TRPM3: variants seen among roughly 807,000 people sequenced by gnomAD.
The protein encoded by TRPM3 is long transient receptor potential channel 3.
Under a neutral mutation model 181.2 loss-of-function variants are expected in TRPM3, and 77 were observed. The observed-to-expected ratio is 0.42, with a 90% CI of 0.35 to 0.51. The LOEUF (loss-of-function observed/expected upper bound fraction) is 0.51, where lower values mean the gene tolerates loss of function less well. TRPM3 is among the 20% of genes least tolerant of loss of function. The probability of loss-of-function intolerance (pLI) is 0.01; values close to 1 mark genes in which losing one functional copy is unlikely to be tolerated. For missense variants in TRPM3, 1,759 were observed against 2,196.7 expected, an observed-to-expected ratio of 0.80 and a Z score of 3.98; for synonymous variants, 745 against 796.4, an observed-to-expected ratio of 0.94 and a Z score of 1.09.
chr9:71,326,972 C>T (rs1401016935), intron 1 of TRPM3, among the ~76,000 whole-genome samples: 4 of 152,182 alleles, frequency 2.6e-5, no homozygotes, highest in Non-Finnish European at 5.9e-5. Context: ...GTCAAGATGA[C>T]ATCAGGACCG....
intron 1 of TRPM3, among the ~76,000 whole-genome samples, chr9:70,947,955 T>C (rs2096953604): frequency 6.6e-6 from 1 of 152,196 alleles, no homozygotes; most frequent in Admixed American, 6.5e-5. Context: ...TATTATAAGA[T>C]GTATCACTTG....
At chr9:70,873,516 T>G (rs2095824654) in intron 1 of TRPM3, among the ~76,000 whole-genome samples, 1 of 152,022 alleles carries the variant, frequency 6.6e-6, no homozygotes, top group Non-Finnish European at 1.5e-5. Context: ...AATTATTGAT[T>G]ATTCCCCTCA....
chr9:70,580,032 C>T (rs1014401246), intron 22 of TRPM3, among the ~76,000 whole-genome samples: 1 of 152,222 alleles, frequency 6.6e-6, no homozygotes, highest in Non-Finnish European at 1.5e-5. Context: ...GAGCGATTCA[C>T]ATACTTCACA....
intron 22 of TRPM3, among the ~76,000 whole-genome samples, chr9:70,575,345 C>CA (rs2053658544): frequency 6.6e-6 from 1 of 152,122 alleles, no homozygotes; most frequent in African/African-American, 2.4e-5. Flanking sequence ...CTCACCCTTA[C>CA]ATGTACCCTA....
At chr9:71,065,661 C>T (rs766067888) in intron 1 of TRPM3, among the ~76,000 whole-genome samples, 8 of 152,194 alleles carry the variant, frequency 5.3e-5, no homozygotes, top group Non-Finnish European at 1.2e-4. Context: ...CATCAAATCA[C>T]TTCAATTGTC....
chr9:71,023,076 A>AT (rs2097859751), intron 1 of TRPM3, among the ~76,000 whole-genome samples: 2 of 152,180 alleles, frequency 1.3e-5, no homozygotes, highest in Non-Finnish European at 2.9e-5. Flanking sequence ...TGGTAAAAAT[A>AT]TTTGCACACC....
intron 8 of TRPM3, among the ~76,000 whole-genome samples, chr9:70,749,268 C>T (rs752167676): frequency 2.6e-5 from 4 of 152,030 alleles, no homozygotes; most frequent in Non-Finnish European, 5.9e-5. Context: ...GCAATGTTTG[C>T]TTCTTGATTT....
intron 1 of TRPM3, among the ~76,000 whole-genome samples, chr9:71,344,519 T>TA (rs1191321969): frequency 6.6e-6 from 1 of 152,074 alleles, no homozygotes; most frequent in Non-Finnish European, 1.5e-5. Flanking sequence ...AATGGATTTT[T>TA]AAAAAACAGG....
At chr9:71,247,807 A>G (rs1429203451) in intron 1 of TRPM3, among the ~76,000 whole-genome samples, 1 of 152,198 alleles carries the variant, frequency 6.6e-6, no homozygotes, top group Non-Finnish European at 1.5e-5. Flanking sequence ...CATCCCAGGC[A>G]GAAATATGAG....
chr9:71,050,447 C>T (rs1652637810), intron 1 of TRPM3, among the ~76,000 whole-genome samples: 1 of 152,070 alleles, frequency 6.6e-6, no homozygotes, highest in South Asian at 2.1e-4. Flanking sequence ...TTTTAAAGTC[C>T]CTGCCATGTC....
intron 1 of TRPM3, among the ~76,000 whole-genome samples, chr9:71,037,561 T>C (rs1485392620): frequency 6.6e-6 from 1 of 152,264 alleles, no homozygotes; most frequent in Non-Finnish European, 1.5e-5. Context: ...TGCCCATCCA[T>C]TCAGCACAGC....
At chr9:70,863,272 A>T (rs909779284) in intron 2 of TRPM3, among the ~76,000 whole-genome samples, 160 bp from the exon 3 acceptor site, 1 of 152,132 alleles carries the variant, frequency 6.6e-6, no homozygotes, top group Admixed American at 6.5e-5. Context: ...TGGTAAACTC[A>T]GGCTTTCCAT....
chr9:70,805,409 C>T (rs1221130555), intron 6 of TRPM3, among the ~76,000 whole-genome samples: 1 of 151,686 alleles, frequency 6.6e-6, no homozygotes, highest in Non-Finnish European at 1.5e-5. Flanking sequence ...TGGCGGGCGC[C>T]TGTAGTCCCA....
rs571638633 is a variant in TRPM3, at chr9:71,427,266, C to T, written c.183+19387G>A. Among the ~76,000 whole-genome samples, 5 of 152,220 alleles carry T rather than the reference C, an allele frequency of 3.3e-5. No individual in the cohort carries two copies. The South Asian group carries it at 1.0e-3, about 32-fold the overall frequency. ...CTAAAGTTTTTATAACTGAGGGGTT[C>T]TCAAACTGTCATGCCCAGACCATCA... On this transcript the variant is annotated intron_variant, in intron 1 of 24. Transcript: ENST00000357533.
intron 14 of TRPM3, among the ~76,000 whole-genome samples, chr9:70,623,218 T>C (rs1380429888): frequency 6.6e-6 from 1 of 151,970 alleles, no homozygotes; most frequent in Non-Finnish European, 1.5e-5. Context: ...ATACAAAAAA[T>C]AGCTGAGTGT....
chr9:70,606,822 C>T (rs2132903974), intron 19 of TRPM3, among the ~76,000 whole-genome samples: 1 of 151,898 alleles, frequency 6.6e-6, no homozygotes, highest in East Asian at 1.9e-4. Context: ...AAGATTCATG[C>T]TTCTTAAACT....
intron 6 of TRPM3, among the ~76,000 whole-genome samples, chr9:70,792,461 G>C (rs766173260): frequency 6.6e-6 from 1 of 151,852 alleles, no homozygotes; most frequent in Non-Finnish European, 1.5e-5. Context: ...AGGAGAGAGA[G>C]AGGGGAGAGA....
At chr9:70,559,108 T>C (rs1447749635) in intron 22 of TRPM3, among the ~76,000 whole-genome samples, 2 of 152,230 alleles carry the variant, frequency 1.3e-5, no homozygotes, top group African/African-American at 4.8e-5. Context: ...AACAAGTCAA[T>C]GACATCCCTT....
chr9:70,772,280 TG>T (rs1336955152), intron 7 of TRPM3, among the ~76,000 whole-genome samples: 1 of 152,012 alleles, frequency 6.6e-6, no homozygotes, highest in African/African-American at 2.4e-5. Flanking sequence ...AGTCTCTGGT[TG>T]GATATCACAG....
Sources: gnomAD v4.1 joint callset for allele counts (sites outside exome capture counted in the v4.1 genomes callset) on GRCh38, gnomAD v4.1.1 for gene constraint, MANE v1.5 for transcripts, NCBI Gene and HGNC (gene_info 2026-07-23, HGNC 2026-07-21) for gene names.